COL18A1: variants seen among roughly 807,000 people sequenced by gnomAD.
The protein encoded by COL18A1 is collagen alpha-1(XVIII) chain.
Under a neutral mutation model 168.0 loss-of-function variants are expected in COL18A1, and 133 were observed. That is an observed-to-expected ratio of 0.79 (90% CI 0.69 to 0.91). The LOEUF is 0.91. COL18A1 is among the 40% of genes least tolerant of loss of function. The pLI is 0.00. For missense variants in COL18A1, 2,126 were observed against 1,925.4 expected (o/e 1.10, Z -1.95); for synonymous variants, 949 against 809.0 (o/e 1.17, Z -2.94).
In COL18A1 at chr21:45,454,706, C is replaced by T. The variant is rs1280515211; in HGVS notation, c.107-13536C>T. Among the ~76,000 whole-genome samples the T allele has an allele frequency of 2.0e-5, 3 of 152,224 alleles. No homozygotes were observed. The East Asian group carries it at 5.8e-4, about 29-fold the overall frequency. On this transcript the variant is annotated intron_variant, in intron 2 of 41. Coordinates refer to ENST00000651438, the MANE Select transcript of COL18A1 (RefSeq NM_001379500.1). ...CTCAGCACCCACTGCTGTGCCTGGG[C>T]AGCTGGCGGGGGGGCACAGCAGCCA...
chr21:45,437,914 G>A (rs1332814099), intron 2 of COL18A1, among the ~76,000 whole-genome samples: 3 of 30,102 alleles, frequency 1.0e-4, no homozygotes, highest in South Asian at 1.4e-3. Context: ...TCAGACACAG[G>A]CACTCTCCTG....
intron 2 of COL18A1, among the ~76,000 whole-genome samples, chr21:45,412,063 C>A (rs374835388): frequency 1.3e-5 from 2 of 152,150 alleles, no homozygotes; most frequent in East Asian, 1.9e-4. Context: ...TCGTGCTTCT[C>A]TGGGAATGCC....
intron 40 of COL18A1, among the ~76,000 whole-genome samples, chr21:45,510,482 A>T (rs1191606422): frequency 3.3e-5 from 5 of 152,020 alleles, no homozygotes; most frequent in African/African-American, 1.2e-4. Context: ...CCCCCAGGGC[A>T]TCCCATGAGG....
chr21:45,487,599 C>A, intron 17 of COL18A1, 90 bp downstream of exon 17: 1 of 1,547,534 alleles, frequency 6.5e-7, no homozygotes, highest in Non-Finnish European at 8.8e-7. Context: ...ACCGGCCTTG[C>A]ATGGGATCGG....
rs199523495 is a variant in COL18A1, at chr21:45,488,426, C to G, written c.1905C>G (p.Pro635=). 1 of 1,613,886 alleles carries G rather than the reference C, an allele frequency of 6.2e-7. No individual in the cohort carries two copies. The highest frequency in any genetic ancestry group is 2.2e-5 in the East Asian group (1 of 44,866). The change falls in exon 18 of 42, where the codon CCC becomes CCG. Residue 635 remains proline (P), a synonymous_variant. Transcript: ENST00000651438. ...CTCCTCTGCCCTGACAGGGACCTCC[C>G]GGCCTGCCGGGACTTAAGGTCAGTG... ...ARSADGPQGP[P]GLPGLKGDPG...
chr21:45,481,880 G>A (rs572692585), intron 13 of COL18A1, 83 bp from the exon 14 acceptor site: 11 of 977,544 alleles, frequency 1.1e-5, no homozygotes, highest in African/African-American at 3.2e-5. Flanking sequence ...GGAAACCTGC[G>A]GAAGCCCAGA....
At position 45,504,769 on chromosome 21, in the gene COL18A1, G is replaced by A. The variant is rs781534021; in HGVS notation, c.2868+213G>A. On this transcript the variant is annotated intron_variant, in intron 34 of 41. Coordinates refer to ENST00000651438, the MANE Select transcript of COL18A1 (RefSeq NM_001379500.1). ...CGGACACCCCCCGTCCCCCTGCAGC[G>A]TTCCATGGCCTGCCCTCCTGCTGGG... Among the ~76,000 whole-genome samples the A allele has an allele frequency of 1.5e-4, 23 of 152,128 alleles. 1 individual carries two copies. Among genetic ancestry groups the A allele is most frequent in the Admixed American group, 1.4e-3 (22 of 15,286 alleles).
At chr21:45,495,262 C>G (rs1366605496) in intron 28 of COL18A1, 96 bp from the exon 29 acceptor site, 10 of 1,039,944 alleles carry the variant, frequency 9.6e-6, no homozygotes, top group Middle Eastern at 2.0e-4. Context: ...CGTGGGCCGG[C>G]CGGGCCTGGC....
chr21:45,472,292 C>T (rs572103607), intron 3 of COL18A1, among the ~76,000 whole-genome samples: 156 of 151,268 alleles, frequency 1.0e-3, no homozygotes, highest in Non-Finnish European at 1.8e-3. Flanking sequence ...GGCACGATTG[C>T]GGCTCACTGC....
Position 45,405,436 on chromosome 21 carries a change from C to G in COL18A1, c.69C>G (p.Val23=), listed in dbSNP as rs1430931048. The G allele has an allele frequency of 1.5e-6, 2 of 1,376,724 alleles. No individual in the cohort carries two copies. The highest frequency in any genetic ancestry group is 3.4e-5 in the East Asian group (1 of 29,584). The allele number at this position is 1,376,724 out of a possible 1,614,324, so 85.3% of individuals were successfully genotyped here. The change falls in exon 2 of 42, where the codon GTC becomes GTG. Residue 23 remains valine, a synonymous_variant. Transcript: ENST00000651438. ...RRLLDVLAPL[V]LLLGVRAASA... is the part of the protein sequence containing the mutation. Reference sequence around the variant, plus strand: ...TCCTGGACGTGCTCGCGCCCCTGGTCCTGCTGCTCGGGGTCCGCGCGGCCT... The same window carrying G: ...TCCTGGACGTGCTCGCGCCCCTGGTGCTGCTGCTCGGGGTCCGCGCGGCCT...
chr21:45,503,056 C>T (rs1568937993), intron 32 of COL18A1: 1 of 152,118 alleles, frequency 6.6e-6, no homozygotes, highest in Non-Finnish European at 1.5e-5. Flanking sequence ...TTTATAGCAG[C>T]ATGATTTATA....
rs750422215 is a variant in COL18A1 at position 45,480,857 on chromosome 21, C to T, written c.1610C>T (p.Pro537Leu). 1.1e-5 allele frequency: 18 copies of T among 1,609,798 alleles called. 1 individual carries two copies. Among genetic ancestry groups the T allele is most frequent in the East Asian group, 6.7e-5 (3 of 44,802 alleles). Residue 537 changes from proline to leucine, a missense_variant and splice_region_variant, in exon 13 of 42, where the codon CCG becomes CTG. Pro to Leu is a moderately conservative substitution (Grantham distance 98, BLOSUM62 -3). Coordinates refer to ENST00000651438, the MANE Select transcript of COL18A1 (RefSeq NM_001379500.1). ...GGTCCCCCCGGGTTTCCTGGCCTCC[C>T]GGTAAGTCCTGCCTCCACCGTCAGT... ...REGPPGFPGLPGPPGPPGREG... is the reference protein window; with the variant it reads ...REGPPGFPGLLGPPGPPGREG...
intron 2 of COL18A1, among the ~76,000 whole-genome samples, chr21:45,438,709 C>A (rs1256947229): frequency 6.6e-6 from 1 of 152,234 alleles, no homozygotes; most frequent in African/African-American, 2.4e-5. Context: ...GCTCAGGACG[C>A]CTCTGCAGGG....
Position 45,498,678 on chromosome 21 carries a change from ATC to A in COL18A1, c.2683+1022_2683+1023del, listed in dbSNP as rs1044857864. The A allele has an allele frequency of 8.0e-5, 54 of 672,526 alleles. No individual in the cohort carries two copies. The African/African-American group carries it at 9.3e-4, about 12-fold the overall frequency. 41.7% of individuals were successfully genotyped at this position (672,526 alleles called of 1,614,324 possible). ...GAAGATGTGCCCATGCCAGCCTTGG[ATC>A]TCTCAGCGTCACACACGACGCCCAG... On this transcript the variant is annotated intron_variant, in intron 32 of 41. Coordinates refer to ENST00000651438, the MANE Select transcript of COL18A1 (RefSeq NM_001379500.1). This position sits in a 1 kb window ranked among gnomAD's most constrained non-coding sequence, Gnocchi z 4.5.
chr21:45,498,343 C>G lies in COL18A1; in HGVS notation c.2683+682C>G, dbSNP rs2036614382. On this transcript the variant is annotated intron_variant, in intron 32 of 41. Coordinates refer to ENST00000651438, the MANE Select transcript of COL18A1 (RefSeq NM_001379500.1). The surrounding 1 kb of genome is among the most constrained non-coding windows in gnomAD (Gnocchi z 4.5). ...CCCTCTCGCCGCCAGGGTCCCCTCTCACCGCCAGGGTTCCCTCTCGCCACC... is the reference window on the plus strand; with the variant it reads ...CCCTCTCGCCGCCAGGGTCCCCTCTGACCGCCAGGGTTCCCTCTCGCCACC... 1.6e-6 allele frequency: 1 copy of G among 629,756 alleles called. No homozygotes were observed. The highest frequency in any genetic ancestry group is 2.9e-6 in the Non-Finnish European group (1 of 349,386). 39.0% of individuals were successfully genotyped at this position (629,756 alleles called of 1,614,324 possible).
intron 13 of COL18A1, 75 bp downstream of exon 13, chr21:45,480,933 C>A: frequency 1.3e-6 from 2 of 1,530,028 alleles, no homozygotes; most frequent in Non-Finnish European, 1.8e-6. Flanking sequence ...CACATGGGAG[C>A]CCCTGCCCCG....
chr21:45,474,093 G>C, intron 4 of COL18A1, 112 bp downstream of exon 4: 1 of 785,040 alleles, frequency 1.3e-6, no homozygotes, highest in East Asian at 2.7e-5. Flanking sequence ...TGGGGCACTG[G>C]GAAGCTGCGA....
intron 2 of COL18A1, among the ~76,000 whole-genome samples, chr21:45,462,681 T>C (rs1274243209): frequency 3.9e-5 from 6 of 152,270 alleles, no homozygotes; most frequent in African/African-American, 1.4e-4. Flanking sequence ...CTGTAGTTCT[T>C]TGAGCATCTT....
At chr21:45,458,620 G>T (rs1176380545) in intron 2 of COL18A1, among the ~76,000 whole-genome samples, 2 of 152,210 alleles carry the variant, frequency 1.3e-5, no homozygotes, top group Admixed American at 6.5e-5. Flanking sequence ...TGTGGGTAGG[G>T]CAGCCTTGCA....
Sources: allele counts gnomAD v4.1 joint callset (sites outside exome capture counted in the v4.1 genomes callset), GRCh38; gene constraint gnomAD v4.1.1; non-coding constraint Gnocchi (gnomAD v3.1); transcripts MANE v1.5; gene names NCBI Gene and HGNC (gene_info 2026-07-23, HGNC 2026-07-21).